The following EPB41L4B variants were observed in gnomAD, a reference collection of about 807,000 sequenced individuals.
EPB41L4B encodes band 4.1-like protein 4B.
EPB41L4B carries 30 observed loss-of-function variants against 112.5 expected under a neutral mutation model. The observed-to-expected ratio is 0.27, with a 90% confidence interval of 0.20 to 0.36. EPB41L4B has a LOEUF of 0.36. EPB41L4B is among the 10% of genes least tolerant of loss of function. EPB41L4B has a pLI of 1.00. For synonymous variants in EPB41L4B, 408 were observed against 439.7 expected (o/e 0.93, Z 0.90); for missense variants, 1,024 against 1,133.3 (o/e 0.90, Z 1.38).
chr9:109,224,721 GGTTTTGAAAA>G (rs1295978583), intron 15 of EPB41L4B, among the ~76,000 whole-genome samples: 1 of 152,188 alleles, frequency 6.6e-6, no homozygotes, highest in Admixed American at 6.5e-5. Flanking sequence ...CACAAGAAGA[GGTTTTGAAAA>G]GTATCAATGC....
intron 15 of EPB41L4B, among the ~76,000 whole-genome samples, chr9:109,237,389 T>G (rs1834184637): frequency 6.6e-6 from 1 of 152,178 alleles, no homozygotes; most frequent in Admixed American, 6.5e-5. Flanking sequence ...GAAACATGAA[T>G]AGATGATAAA....
chr9:109,243,650 C>T lies in EPB41L4B; in HGVS notation c.1377G>A (p.Gln459=), dbSNP rs1834433306. The change falls in exon 15 of 26, where the codon CAG becomes CAA. Residue 459 remains glutamine (Q), a synonymous_variant. Transcript: ENST00000374566. ...PQYHPNIHPS[Q]PRWHPHSPNV... ...TTGGAGAGTGAGGATGCCACCGGGG[C>T]TGGCTGGGATGGATATTAGGATGAT... 2.5e-6 allele frequency: 4 copies of T among 1,614,198 alleles called. No individual in the cohort carries two copies. In the South Asian group the frequency reaches 4.4e-5, roughly 18 times the overall value.
intron 11 of EPB41L4B, 41 bp downstream of exon 11, chr9:109,255,470 C>T (rs41278393): frequency 0.029 from 47,055 of 1,603,754 alleles, 873 homozygotes; most frequent in Non-Finnish European, 0.036. Flanking sequence ...AGTTGCCCTC[C>T]TTCAGAAGAC....
intron 1 of EPB41L4B, among the ~76,000 whole-genome samples, chr9:109,291,077 G>A (rs1180400806): frequency 2.6e-5 from 4 of 152,096 alleles, no homozygotes; most frequent in African/African-American, 4.8e-5. Flanking sequence ...GTGCCTCAAT[G>A]TCACAAAGGT....
At chr9:109,248,928 G>T (rs922673523) in intron 13 of EPB41L4B, among the ~76,000 whole-genome samples, 1 of 151,590 alleles carries the variant, frequency 6.6e-6, no homozygotes, top group Non-Finnish European at 1.5e-5. Flanking sequence ...GCGTGGTGGC[G>T]GGCACCTGTA....
chr9:109,313,635 C>T (rs1837506116), intron 1 of EPB41L4B, among the ~76,000 whole-genome samples: 1 of 152,214 alleles, frequency 6.6e-6, no homozygotes, highest in African/African-American at 2.4e-5. Flanking sequence ...TGAGGAGGGT[C>T]AGAGTGCCAG....
intron 15 of EPB41L4B, chr9:109,241,395 C>G: frequency 8.3e-7 from 1 of 1,202,612 alleles, no homozygotes; most frequent in Non-Finnish European, 1.0e-6. Flanking sequence ...AAATGATAAA[C>G]ATAGACTTTG....
chr9:109,215,252 C>T (rs1375441836), intron 16 of EPB41L4B, among the ~76,000 whole-genome samples: 1 of 152,050 alleles, frequency 6.6e-6, no homozygotes, highest in Non-Finnish European at 1.5e-5. Flanking sequence ...GAGCTAGAAT[C>T]GAAGCCTCCA....
In EPB41L4B at chr9:109,263,945, G is replaced by C. The variant is rs144395687; in HGVS notation, c.579-843C>G. ...GTAAACTACAAAGTACTGTACAAAT[G>C]CAAGGTGTTGCCATTAATATTTTTC... On this transcript the variant is annotated intron_variant, in intron 5 of 25. Transcript: ENST00000374566. Among the ~76,000 whole-genome samples, 15 of 152,248 alleles carry C rather than the reference G, an allele frequency of 9.9e-5. No individual in the cohort carries two copies. In the East Asian group the frequency reaches 2.7e-3, roughly 27 times the overall value.
intron 5 of EPB41L4B, among the ~76,000 whole-genome samples, chr9:109,264,726 A>G (rs1835337747): frequency 1.3e-5 from 2 of 152,230 alleles, no homozygotes; most frequent in African/African-American, 4.8e-5. Context: ...TGATGTGATC[A>G]GGGAGAGAGT....
At chr9:109,176,502 G>GT in intron 25 of EPB41L4B, 49 bp downstream of exon 25, 1 of 1,553,282 alleles carries the variant, frequency 6.4e-7, no homozygotes, top group South Asian at 1.2e-5. Flanking sequence ...AGTCTCCCTG[G>GT]TTTCCCTGTC....
chr9:109,285,467 T>A (rs1057433413), intron 1 of EPB41L4B, among the ~76,000 whole-genome samples: 18 of 152,192 alleles, frequency 1.2e-4, no homozygotes, highest in Non-Finnish European at 2.1e-4. Flanking sequence ...GATGCTTTTT[T>A]AAATATATCT....
At chr9:109,243,760 G>T in intron 14 of EPB41L4B, 78 bp from the exon 15 acceptor site, 1 of 1,428,310 alleles carries the variant, frequency 7.0e-7, no homozygotes, top group Non-Finnish European at 9.8e-7. Context: ...TCTGTTCCTG[G>T]CATCCACCCG....
intron 6 of EPB41L4B, among the ~76,000 whole-genome samples, chr9:109,258,530 T>C (rs772046858): frequency 8.3e-4 from 126 of 152,328 alleles, no homozygotes; most frequent in Non-Finnish European, 1.3e-3. Context: ...ATCCTAGTTA[T>C]TACTGTCTTT....
rs777326312 is a variant in EPB41L4B, at chr9:109,174,545, G to A, written c.*9C>T. On this transcript the variant is annotated 3_prime_UTR_variant, in exon 26 of 26. Coordinates refer to ENST00000374566, the MANE Select transcript of EPB41L4B (RefSeq NM_019114.5). ...ACCATGCCATCTTCCAGGTGACAAG[G>A]GGAGAATTTCACAGTTCGGTCATCA... 6.2e-7 allele frequency: 1 copy of A among 1,613,314 alleles called. No individual in the cohort carries two copies. Among genetic ancestry groups the A allele is most frequent in the Admixed American group, 1.7e-5 (1 of 60,010 alleles).
intron 15 of EPB41L4B, among the ~76,000 whole-genome samples, chr9:109,217,546 GCAGAAAGCTC>G (rs1383544206): frequency 1.3e-5 from 2 of 152,140 alleles, no homozygotes; most frequent in Non-Finnish European, 2.9e-5. Context: ...CCCACAACAT[GCAGAAAGCTC>G]CAGTTAACAT....
chr9:109,268,556 T>TCATG, intron 2 of EPB41L4B, 123 bp from the exon 3 acceptor site: 1 of 828,290 alleles, frequency 1.2e-6, no homozygotes, highest in Non-Finnish European at 1.9e-6. Context: ...TTGGATCATA[T>TCATG]CATGGGTTCT....
intron 24 of EPB41L4B, among the ~76,000 whole-genome samples, chr9:109,181,163 TTTA>T (rs139024730): frequency 6.6e-6 from 1 of 151,728 alleles, no homozygotes; most frequent in Non-Finnish European, 1.5e-5. Context: ...AGGCAGCTAA[TTTA>T]TTATTATTAT....
chr9:109,247,034 C>T (rs147398425), intron 14 of EPB41L4B, among the ~76,000 whole-genome samples: 8 of 152,108 alleles, frequency 5.3e-5, no homozygotes, highest in Admixed American at 1.3e-4. Context: ...CCCACTGTGT[C>T]GTCTGGGCTG....
Sources: allele counts gnomAD v4.1 joint callset (sites outside exome capture counted in the v4.1 genomes callset), GRCh38; gene constraint gnomAD v4.1.1; transcripts MANE v1.5; gene names NCBI Gene and HGNC (gene_info 2026-07-23, HGNC 2026-07-21).